Variants in SORBS2 observed in about 807,000 individuals in gnomAD.
The protein encoded by SORBS2 is sorbin and SH3 domain-containing protein 2.
Under a neutral mutation model 97.7 loss-of-function variants are expected in SORBS2, and 46 were observed. The ratio of observed to expected loss-of-function variants is 0.47; its 90% CI spans 0.37 to 0.60. The LOEUF (loss-of-function observed/expected upper bound fraction) is 0.60, where lower values mean the gene tolerates loss of function less well. Among genes scored for constraint, SORBS2 ranks in the 20% least tolerant of loss-of-function variants. The pLI is 0.00. For missense variants in SORBS2, 1,316 were observed against 1,282.3 expected (o/e 1.03, Z -0.40); for synonymous variants, 476 against 473.4 (o/e 1.01, Z -0.07).
At chr4:185,604,280 G>A (rs954751495) in intron 12 of SORBS2, among the ~76,000 whole-genome samples, 3 of 152,186 alleles carry the variant, frequency 2.0e-5, no homozygotes, top group Non-Finnish European at 4.4e-5. Context: ...AAATCTGAAT[G>A]CATACATCTT....
intron 1 of SORBS2, among the ~76,000 whole-genome samples, chr4:185,794,833 T>C (rs2099097523): frequency 6.7e-6 from 1 of 150,166 alleles, no homozygotes; most frequent in South Asian, 2.2e-4. Context: ...GTCCTGCCTA[T>C]GTGAGGAATG....
At chr4:185,801,168 A>T (rs2099128609) in intron 1 of SORBS2, among the ~76,000 whole-genome samples, 1 of 152,202 alleles carries the variant, frequency 6.6e-6, no homozygotes, top group South Asian at 2.1e-4. Flanking sequence ...TTCACTTACC[A>T]TAATGTCCTC....
intron 6 of SORBS2, among the ~76,000 whole-genome samples, chr4:185,625,774 A>T (rs2096800502): frequency 6.6e-6 from 1 of 152,234 alleles, no homozygotes; most frequent in African/African-American, 2.4e-5. Flanking sequence ...CAAGGCCTTA[A>T]AAGGGCTAGG....
At chr4:185,705,502 C>T (rs757098955) in intron 2 of SORBS2, among the ~76,000 whole-genome samples, 26 of 151,794 alleles carry the variant, frequency 1.7e-4, no homozygotes, top group African/African-American at 4.6e-4. Context: ...GCCAAGGTCG[C>T]GCCACTGTAC....
chr4:185,733,223 T>G (rs950590), intron 2 of SORBS2, among the ~76,000 whole-genome samples: 139,975 of 152,336 alleles, frequency 0.92, 64,372 homozygotes, highest in African/African-American at 0.96. Flanking sequence ...GCACCAGTGC[T>G]ACTTGAAGGG....
At chr4:185,838,743 T>C (rs781114827) in intron 1 of SORBS2, among the ~76,000 whole-genome samples, 8 of 152,214 alleles carry the variant, frequency 5.3e-5, no homozygotes, top group Non-Finnish European at 1.2e-4. Context: ...GCTTTGCCTC[T>C]GCCTCGGGCT....
intron 12 of SORBS2, among the ~76,000 whole-genome samples, chr4:185,598,202 T>TA (rs1475334556): frequency 6.6e-6 from 1 of 152,032 alleles, no homozygotes; most frequent in Admixed American, 6.6e-5. Flanking sequence ...ATTATGCTTA[T>TA]ATTTCCTTGA....
chr4:185,949,742 A>C (rs2099276276), intron 1 of SORBS2, among the ~76,000 whole-genome samples: 1 of 152,178 alleles, frequency 6.6e-6, no homozygotes, highest in South Asian at 2.1e-4. Flanking sequence ...GCAGGAGTCT[A>C]AACAAACACA....
At chr4:185,700,406 C>T (rs2098244409) in intron 2 of SORBS2, among the ~76,000 whole-genome samples, 1 of 151,928 alleles carries the variant, frequency 6.6e-6, no homozygotes, top group African/African-American at 2.4e-5. Flanking sequence ...TGGTGAGTTT[C>T]CAGGTGACTA....
intron 1 of SORBS2, among the ~76,000 whole-genome samples, chr4:185,831,099 T>A (rs1341192738): frequency 7.2e-6 from 1 of 139,060 alleles, no homozygotes; most frequent in Non-Finnish European, 1.7e-5. Context: ...TTTCTGCCAT[T>A]TGAACTTTTG....
intron 1 of SORBS2, among the ~76,000 whole-genome samples, chr4:185,874,676 T>G (rs1463167084): frequency 6.6e-6 from 1 of 152,210 alleles, no homozygotes; most frequent in Non-Finnish European, 1.5e-5. Flanking sequence ...GGAAGCTAAC[T>G]GTAAATAAAC....
chr4:185,875,148 C>T (rs2099232790), intron 1 of SORBS2, among the ~76,000 whole-genome samples: 1 of 151,878 alleles, frequency 6.6e-6, no homozygotes, highest in Admixed American at 6.6e-5. Flanking sequence ...AAGGCAAGAA[C>T]AAATAAATAA....
chr4:185,737,779 G>A (rs1388856836), intron 2 of SORBS2, among the ~76,000 whole-genome samples: 1 of 152,214 alleles, frequency 6.6e-6, no homozygotes, highest in Non-Finnish European at 1.5e-5. Context: ...TCTAAAGATC[G>A]AGACCTCATG....
intron 2 of SORBS2, among the ~76,000 whole-genome samples, chr4:185,724,762 C>T (rs748691538): frequency 2.2e-4 from 34 of 152,132 alleles, no homozygotes; most frequent in African/African-American, 5.6e-4. Flanking sequence ...TGCTGTTTCC[C>T]GAATCTGGAT....
chr4:185,587,891 C>T (rs1372054523), intron 14 of SORBS2: 12 of 512,842 alleles, frequency 2.3e-5, no homozygotes, highest in Non-Finnish European at 4.2e-5. Context: ...ACTGCCCCTC[C>T]GGCATAAATG....
In SORBS2 at chr4:185,620,278, T is replaced by A. The variant is rs1055730117; in HGVS notation, c.2216-127A>T. The A allele has an allele frequency of 5.7e-6, 4 of 699,602 alleles. No homozygotes were observed. In the South Asian group the frequency reaches 6.7e-5, roughly 12 times the overall value. 43.3% of individuals were successfully genotyped at this position (699,602 alleles called of 1,614,324 possible). A position where few individuals can be genotyped will look rare whatever the true frequency, so the allele number is the denominator to read the frequency against. ...TGGAGAGACACCGTTATCGAACACA[T>A]GGGCATAAAACTCATAGTTCATTAC... On this transcript the variant is annotated intron_variant, in intron 7 of 14. Transcript: ENST00000418609.
chr4:185,917,228 A>G (rs1478566526), intron 1 of SORBS2, among the ~76,000 whole-genome samples: 1 of 152,020 alleles, frequency 6.6e-6, no homozygotes, highest in Non-Finnish European at 1.5e-5. Context: ...TATCCTTTGT[A>G]TCCTTTTCAT....
chr4:185,800,295 T>C (rs940291613), intron 1 of SORBS2, among the ~76,000 whole-genome samples: 1 of 152,226 alleles, frequency 6.6e-6, no homozygotes, highest in Non-Finnish European at 1.5e-5. Context: ...AAATCTCACC[T>C]GCGTCAGACT....
chr4:185,931,395 G>C (rs927255600), intron 1 of SORBS2, among the ~76,000 whole-genome samples: 3 of 152,162 alleles, frequency 2.0e-5, no homozygotes, highest in Admixed American at 6.5e-5. Flanking sequence ...GATTTTATGA[G>C]GGGGGACACC....
Sources: gnomAD v4.1 joint callset for allele counts (sites outside exome capture counted in the v4.1 genomes callset) on GRCh38, gnomAD v4.1.1 for gene constraint, MANE v1.5 for transcripts, NCBI Gene and HGNC (gene_info 2026-07-23, HGNC 2026-07-21) for gene names.